Variants in SYNPR observed in about 807,000 individuals in gnomAD.
SYNPR encodes synaptoporin.
SYNPR carries 23 observed loss-of-function variants against 32.9 expected under a neutral mutation model. The ratio of observed to expected loss-of-function variants is 0.70; its 90% CI spans 0.50 to 0.99. The LOEUF (loss-of-function observed/expected upper bound fraction) is 0.99, where lower values mean the gene tolerates loss of function less well. Among genes scored for constraint, SYNPR ranks in the 50% least tolerant of loss-of-function variants. The pLI is 0.00. For missense variants in SYNPR, 318 were observed against 349.3 expected (o/e 0.91, Z 0.71); for synonymous variants, 146 against 135.9 (o/e 1.07, Z -0.52).
chr3:63,501,504 AAAAAAAAAAAG>A (rs1260685137), intron 3 of SYNPR, among the ~76,000 whole-genome samples: 3 of 147,446 alleles, frequency 2.0e-5, no homozygotes, highest in African/African-American at 5.1e-5. Context: ...CAAAAAAAAA[AAAAAAAAAAAG>A]AAAAGAAAAA....
At chr3:63,572,426 G>A (rs1250007003) in intron 4 of SYNPR, among the ~76,000 whole-genome samples, 1 of 152,124 alleles carries the variant, frequency 6.6e-6, no homozygotes, top group Non-Finnish European at 1.5e-5. Flanking sequence ...AACACCTGCT[G>A]ACTCTGAGTA....
chr3:63,409,327 C>A (rs902029193), intron 2 of SYNPR, among the ~76,000 whole-genome samples: 2 of 152,022 alleles, frequency 1.3e-5, no homozygotes, highest in African/African-American at 4.8e-5. Context: ...TACATCAGTT[C>A]TCCTTGAGGC....
chr3:63,310,083 C>T (rs2086948113), intron 2 of SYNPR, among the ~76,000 whole-genome samples: 1 of 151,844 alleles, frequency 6.6e-6, no homozygotes, highest in Non-Finnish European at 1.5e-5. Flanking sequence ...TACCCCCTAC[C>T]AAGCCCTGCA....
chr3:63,427,146 T>C (rs1200057654), intron 2 of SYNPR, among the ~76,000 whole-genome samples: 1 of 140,340 alleles, frequency 7.1e-6, no homozygotes, highest in Non-Finnish European at 1.5e-5. Context: ...TCTTTATCTT[T>C]AAAAAAAAAA....
At chr3:63,488,525 C>G (rs1178356600) in intron 3 of SYNPR, among the ~76,000 whole-genome samples, 1 of 152,158 alleles carries the variant, frequency 6.6e-6, no homozygotes. Flanking sequence ...TGGAAGCACG[C>G]TGGGCCCATA....
Position 63,480,889 on chromosome 3 carries a change from A to C in SYNPR, c.142A>C (p.Ser48Arg). 1 of 1,613,676 alleles carries C rather than the reference A, an allele frequency of 6.2e-7. No homozygotes were observed. Among genetic ancestry groups the C allele is most frequent in the Non-Finnish European group, 8.5e-7 (1 of 1,179,658 alleles). ...CGGYSGGLRL[S>R]VDCVNKTESN... Reference sequence around the variant, plus strand: ...TGGCTATTCTGGAGGCCTGCGGCTGAGTGTGGACTGCGTCAACAAGACAGA... The same window carrying C: ...TGGCTATTCTGGAGGCCTGCGGCTGCGTGTGGACTGCGTCAACAAGACAGA... The change falls in exon 3 of 6, where the codon AGT becomes CGT. Residue 48 changes from serine to arginine, a missense_variant. By Grantham distance (110) the Ser-to-Arg change is moderately radical (BLOSUM62 -1). Coordinates refer to ENST00000478300, the MANE Select transcript of SYNPR (RefSeq NM_001130003.2).
At chr3:63,615,186 T>C (rs757737821) in intron 5 of SYNPR, 38 bp from the exon 6 acceptor site, 54 of 1,593,036 alleles carry the variant, frequency 3.4e-5, no homozygotes, top group Non-Finnish European at 4.2e-5. Context: ...TGGGTTTTTG[T>C]CTAGTCTATC....
At chr3:63,299,416 C>T (rs528887831) in intron 2 of SYNPR, among the ~76,000 whole-genome samples, 3 of 151,612 alleles carry the variant, frequency 2.0e-5, no homozygotes, top group Non-Finnish European at 4.4e-5. Context: ...TTTTTGTTTT[C>T]TGTTTTTGTT....
At chr3:63,478,856 C>T (rs935000197) in intron 2 of SYNPR, among the ~76,000 whole-genome samples, 2 of 152,156 alleles carry the variant, frequency 1.3e-5, no homozygotes, top group East Asian at 3.9e-4. Context: ...CTTGACGTGG[C>T]CCAAAGGGTT....
At chr3:63,293,743 G>C (rs2086765994) in intron 2 of SYNPR, among the ~76,000 whole-genome samples, 1 of 152,020 alleles carries the variant, frequency 6.6e-6, no homozygotes, top group Non-Finnish European at 1.5e-5. Flanking sequence ...GCTTACAGAA[G>C]TATTGTCCTG....
chr3:63,334,056 CTG>C (rs561276257), intron 2 of SYNPR, among the ~76,000 whole-genome samples: 14 of 152,180 alleles, frequency 9.2e-5, no homozygotes, highest in Non-Finnish European at 1.8e-4. Context: ...TTAGAATAAT[CTG>C]TGCTATTTCA....
intron 4 of SYNPR, among the ~76,000 whole-genome samples, chr3:63,581,082 C>T (rs1703081423): frequency 6.6e-6 from 1 of 152,122 alleles, no homozygotes; most frequent in Admixed American, 6.6e-5. Flanking sequence ...ACTCTACTGC[C>T]TTTGTAAAGA....
In SYNPR at chr3:63,261,842, A is replaced by G. The variant is rs2086440767; in HGVS notation, n.155-5475A>G. On this transcript the variant is annotated intron_variant and non_coding_transcript_variant, in intron 2 of 4. Coordinates refer to the SYNPR transcript ENST00000478456. Reference sequence around the variant, plus strand: ...AATTGAACAATGAGAACACAAGGACATAGGAAGGGGAACATCACACACCGG... The same window carrying G: ...AATTGAACAATGAGAACACAAGGACGTAGGAAGGGGAACATCACACACCGG... Among the ~76,000 whole-genome samples the G allele has an allele frequency of 2.6e-5, 4 of 151,580 alleles. No homozygotes were observed. In the South Asian group the frequency reaches 8.4e-4, roughly 32 times the overall value.
intron 3 of SYNPR, among the ~76,000 whole-genome samples, chr3:63,506,080 C>CCCTTCCTTCCTTCCTTCCTTCCTTCCTT (rs113121978): frequency 6.7e-6 from 1 of 150,138 alleles, no homozygotes; most frequent in African/African-American, 2.5e-5. Context: ...AGATGCTCCT[C>CCCTTCCTTCCTTCCTTCCTTCCTTCCTT]CCTTCCTTCC....
intron 4 of SYNPR, among the ~76,000 whole-genome samples, chr3:63,582,043 T>G (rs1455461493): frequency 1.3e-5 from 2 of 152,126 alleles, no homozygotes; most frequent in African/African-American, 4.8e-5. Flanking sequence ...GTGCATAAAC[T>G]GAATGAGAGT....
At chr3:63,538,584 A>G (rs1006700496) in intron 3 of SYNPR, among the ~76,000 whole-genome samples, 1 of 152,118 alleles carries the variant, frequency 6.6e-6, no homozygotes, top group South Asian at 2.1e-4. Context: ...AGTGGGCAGA[A>G]GTGATAGGAT....
intron 4 of SYNPR, among the ~76,000 whole-genome samples, chr3:63,563,485 C>T (rs1216419275): frequency 6.6e-6 from 1 of 152,110 alleles, no homozygotes; most frequent in Non-Finnish European, 1.5e-5. Context: ...AGTCTCTGAG[C>T]TATACAGAAA....
Position 63,476,129 on chromosome 3 carries a change from G to GGAAGGAAGGAAA in SYNPR, c.85-4692_85-4691insAGAAGGAAGGAA, listed in dbSNP as rs1559510352. Among the ~76,000 whole-genome samples, 3 of 37,030 alleles carry GGAAGGAAGGAAA rather than the reference G, an allele frequency of 8.1e-5. 1 individual carries two copies. Among genetic ancestry groups the GGAAGGAAGGAAA allele is most frequent in the African/African-American group, 3.5e-4 (2 of 5,712 alleles). 24.3% of individuals were successfully genotyped at this position (37,030 alleles called of 152,430 possible). On this transcript the variant is annotated intron_variant, in intron 2 of 5. Transcript: ENST00000478300. ...GAGGGGGGAGGAAGGAAGGAAGGAAGGAAGGAAGGAAGGAAGGAAGGGAGG... is the reference window on the plus strand; with the variant it reads ...GAGGGGGGAGGAAGGAAGGAAGGAAGGAAGGAAGGAAAGAAGGAAGGAAGGAAGGAAGGGAGG...
chr3:63,341,506 A>C (rs933331224), intron 2 of SYNPR, among the ~76,000 whole-genome samples: 1 of 152,222 alleles, frequency 6.6e-6, no homozygotes, highest in Non-Finnish European at 1.5e-5. Flanking sequence ...CCACATTCTC[A>C]TCAGCATTTG....
Sources: gnomAD v4.1 joint callset for allele counts (sites outside exome capture counted in the v4.1 genomes callset) on GRCh38, gnomAD v4.1.1 for gene constraint, MANE v1.5 for transcripts, NCBI Gene and HGNC (gene_info 2026-07-23, HGNC 2026-07-21) for gene names.